Variants in TRPC4AP observed in about 807,000 individuals in gnomAD.
The protein encoded by TRPC4AP is transient receptor potential cation channel subfamily C member 4 associated protein.
TRPC4AP carries 45 observed loss-of-function variants against 99.0 expected under a neutral mutation model. The observed-to-expected ratio is 0.45, with a 90% confidence interval of 0.36 to 0.58. The LOEUF (loss-of-function observed/expected upper bound fraction) is 0.58, where lower values mean the gene tolerates loss of function less well. Ranked by LOEUF, TRPC4AP falls within the 20% of genes least tolerant of loss-of-function variation. TRPC4AP has a pLI of 0.00. For missense variants in TRPC4AP, 879 were observed against 985.3 expected, an observed-to-expected ratio of 0.89 and a Z score of 1.44; for synonymous variants, 408 against 385.8, an observed-to-expected ratio of 1.06 and a Z score of -0.67.
chr20:35,005,990 G>A (rs141908183), intron 15 of TRPC4AP, among the ~76,000 whole-genome samples, 187 bp from the exon 16 acceptor site: 5 of 152,306 alleles, frequency 3.3e-5, no homozygotes, highest in Non-Finnish European at 7.4e-5. Context: ...GGCACTCCCC[G>A]GAATTCAGCA....
At position 35,006,587 on chromosome 20, in the gene TRPC4AP, G is replaced by A. The variant is rs777662631; in HGVS notation, c.1687-12C>T. On this transcript the variant is annotated splice_polypyrimidine_tract_variant and intron_variant, in intron 14 of 18. Coordinates refer to ENST00000252015, the MANE Select transcript of TRPC4AP (RefSeq NM_015638.3). ...CAGTAAAGGATGTGCTGGGTGAGGA[G>A]GGACAGGGTGAAGGTGTCAACGTGG... is the stretch of plus-strand genomic sequence containing the variant. 11 of 1,612,380 alleles carry A rather than the reference G, an allele frequency of 6.8e-6. No individual in the cohort carries two copies. Among genetic ancestry groups the A allele is most frequent in the Non-Finnish European group, 9.3e-6 (11 of 1,178,826 alleles).
intron 13 of TRPC4AP, among the ~76,000 whole-genome samples, 192 bp from the exon 14 acceptor site, chr20:35,007,832 TGGA>T (rs1469489652): frequency 1.3e-5 from 2 of 152,144 alleles, no homozygotes; most frequent in African/African-American, 4.8e-5. Flanking sequence ...GCCAGCTCAG[TGGA>T]GAAGTCTTCT....
Position 35,016,079 on chromosome 20 carries a change from G to A in TRPC4AP, c.1279C>T (p.Leu427=), listed in dbSNP as rs190862131. Residue 427 remains leucine, a synonymous_variant, in exon 10 of 19, where the codon CTG becomes TTG. Coordinates refer to ENST00000252015, the MANE Select transcript of TRPC4AP (RefSeq NM_015638.3). The part of the protein sequence containing the change: ...IPGLNNLFDK[L]IWRKHSASAL... ...GATGCTGAATGCTTCCTCCAAATCA[G>A]TTTGTCAAACAAATTATTAAGTCCA... is the stretch of plus-strand genomic sequence containing the variant. The A allele has an allele frequency of 6.2e-7, 1 of 1,614,124 alleles. No individual in the cohort carries two copies. Among genetic ancestry groups the A allele is most frequent in the Admixed American group, 1.7e-5 (1 of 60,014 alleles).
intron 1 of TRPC4AP, among the ~76,000 whole-genome samples, chr20:35,092,149 T>G (rs1158865733): frequency 1.3e-5 from 2 of 152,136 alleles, no homozygotes; most frequent in African/African-American, 2.4e-5. Context: ...GGGGACCTAC[T>G]TTAGAAAGGG....
intron 8 of TRPC4AP, among the ~76,000 whole-genome samples, chr20:35,023,602 A>G (rs1299265594): frequency 6.6e-6 from 1 of 152,180 alleles, no homozygotes; most frequent in African/African-American, 2.4e-5. Flanking sequence ...TAGTTACTCA[A>G]TTTCCATGTT....
chr20:35,025,011 C>G (rs2082994759), intron 8 of TRPC4AP, among the ~76,000 whole-genome samples: 1 of 151,982 alleles, frequency 6.6e-6, no homozygotes, highest in Non-Finnish European at 1.5e-5. Context: ...TTTCTAGGCC[C>G]TATGACATAA....
At chr20:35,067,059 AG>A (rs1423639569) in intron 3 of TRPC4AP, among the ~76,000 whole-genome samples, 2 of 152,260 alleles carry the variant, frequency 1.3e-5, no homozygotes, top group Non-Finnish European at 2.9e-5. Context: ...AAATTGAAAA[AG>A]GAGAGACAGA....
At chr20:35,086,525 ATGTG>A (rs1176461079) in intron 1 of TRPC4AP, among the ~76,000 whole-genome samples, 4,139 of 69,082 alleles carry the variant, frequency 0.06, 333 homozygotes, top group South Asian at 0.092. Context: ...GTGTGTATAT[ATGTG>A]TGTGTGTGTG....
At chr20:35,079,860 T>TA (rs71196784) in intron 1 of TRPC4AP, among the ~76,000 whole-genome samples, 85,388 of 144,340 alleles carry the variant, frequency 0.59, 25,436 homozygotes, top group Middle Eastern at 0.74. Flanking sequence ...CTACTAAAAA[T>TA]AAAAAAAAAA....
Position 35,086,559 on chromosome 20 carries a change from GTGTGTGTGTGTGTGTGTATA to G in TRPC4AP, c.168+6035_168+6054del, listed in dbSNP as rs1263106704. Among the ~76,000 whole-genome samples, 12 of 77,856 alleles carry G rather than the reference GTGTGTGTGTGTGTGTGTATA, an allele frequency of 1.5e-4. 3 individuals carry two copies. The South Asian group carries it at 1.8e-3, about 11-fold the overall frequency. The allele number at this position is 77,856 out of a possible 152,430, so 51.1% of individuals were successfully genotyped here. On this transcript the variant is annotated intron_variant, in intron 1 of 18. Transcript: ENST00000252015. ...TGTGTGTGTGTGTGTGTGTGTGTGT[GTGTGTGTGTGTGTGTGTATA>G]TATATATGAATAAGACTTTATCCTA...
intron 6 of TRPC4AP, 96 bp from the exon 7 acceptor site, chr20:35,044,808 G>T: frequency 8.5e-7 from 1 of 1,181,080 alleles, no homozygotes; most frequent in Non-Finnish European, 1.2e-6. Flanking sequence ...GGGGCTTAGT[G>T]GCTAGATCAC....
intron 3 of TRPC4AP, among the ~76,000 whole-genome samples, chr20:35,068,984 A>AAAAAAAAAAAAC (rs144241228): frequency 3.1e-4 from 44 of 140,202 alleles, no homozygotes; most frequent in African/African-American, 1.3e-3. Context: ...CACACAAAAA[A>AAAAAAAAAAAAC]AACAAAACAT....
At chr20:35,025,019 T>A (rs1325697193) in intron 8 of TRPC4AP, among the ~76,000 whole-genome samples, 2 of 152,096 alleles carry the variant, frequency 1.3e-5, no homozygotes, top group African/African-American at 4.8e-5. Context: ...CCCTATGACA[T>A]AACTGTATGT....
At chr20:35,085,316 A>T (rs1476497248) in intron 1 of TRPC4AP, among the ~76,000 whole-genome samples, 1 of 152,166 alleles carries the variant, frequency 6.6e-6, no homozygotes, top group Non-Finnish European at 1.5e-5. Flanking sequence ...ACTCTCATTT[A>T]AAAATAATAA....
intron 5 of TRPC4AP, among the ~76,000 whole-genome samples, chr20:35,052,636 C>T (rs763903910): frequency 6.6e-6 from 1 of 152,042 alleles, no homozygotes; most frequent in Non-Finnish European, 1.5e-5. Flanking sequence ...GGACTATAGG[C>T]ATGTACCACC....
chr20:35,087,033 C>CA (rs1213345089), intron 1 of TRPC4AP, among the ~76,000 whole-genome samples: 2 of 137,350 alleles, frequency 1.5e-5, no homozygotes, highest in Non-Finnish European at 3.2e-5. Context: ...CTCCATCTCA[C>CA]AAAAAAAAGA....
intron 7 of TRPC4AP, among the ~76,000 whole-genome samples, chr20:35,040,693 T>A (rs1045209321): frequency 1.3e-5 from 2 of 152,176 alleles, no homozygotes; most frequent in Non-Finnish European, 2.9e-5. Flanking sequence ...AACCTCTGCC[T>A]CCTGGGTTCA....
At chr20:35,009,663 A>G (rs994805795) in intron 12 of TRPC4AP, among the ~76,000 whole-genome samples, 3 of 152,142 alleles carry the variant, frequency 2.0e-5, no homozygotes, top group African/African-American at 7.2e-5. Flanking sequence ...AACAAAACAA[A>G]CAAACAAAAA....
At chr20:35,089,794 C>G (rs1045091383) in intron 1 of TRPC4AP, among the ~76,000 whole-genome samples, 2 of 151,932 alleles carry the variant, frequency 1.3e-5, no homozygotes, top group Admixed American at 1.3e-4. Flanking sequence ...TGCAGTGAAC[C>G]GAGATTGCGC....
Sources: allele counts gnomAD v4.1 joint callset (sites outside exome capture counted in the v4.1 genomes callset), GRCh38; gene constraint gnomAD v4.1.1; transcripts MANE v1.5; gene names NCBI Gene and HGNC (gene_info 2026-07-23, HGNC 2026-07-21).